Variants in SDK1 observed in about 807,000 individuals in gnomAD.
SDK1 encodes the protein sidekick cell adhesion molecule 1.
A neutral mutation model predicts 245.5 loss-of-function variants in SDK1; 157 were observed. The observed-to-expected ratio is 0.64, with a 90% CI of 0.56 to 0.73. The LOEUF is 0.73. Ranked by LOEUF, SDK1 falls within the 30% of genes least tolerant of loss-of-function variation. SDK1 has a pLI of 0.00. For synonymous variants in SDK1, 1,647 were observed against 1,278.5 expected (o/e 1.29, Z -6.15); for missense variants, 3,583 against 3,002.3 (o/e 1.19, Z -4.52).
At chr7:3,884,366 T>C (rs1372844156) in intron 5 of SDK1, among the ~76,000 whole-genome samples, 2 of 152,144 alleles carry the variant, frequency 1.3e-5, no homozygotes, top group African/African-American at 2.4e-5. Flanking sequence ...AGGAGTTCCA[T>C]GGGTTTGAAC....
At chr7:3,575,989 T>C (rs1234317495) in intron 1 of SDK1, among the ~76,000 whole-genome samples, 1 of 152,032 alleles carries the variant, frequency 6.6e-6, no homozygotes, top group Non-Finnish European at 1.5e-5. Flanking sequence ...CTTTCTGCTC[T>C]TGTGAAATAT....
chr7:4,221,300 G>A lies in SDK1; in HGVS notation c.5763G>A (p.Gln1921=), dbSNP rs747550425. The change falls in exon 40 of 45, where the codon CAG becomes CAA. Residue 1921 remains glutamine, a synonymous_variant. Coordinates refer to ENST00000404826, the MANE Select transcript of SDK1 (RefSeq NM_152744.4). ...AGTCCGCCTCTGAACTGACGCTGCAGTGGACTGAGGGACACTCTGGCGACA... is the reference window on the plus strand; with the variant it reads ...AGTCCGCCTCTGAACTGACGCTGCAATGGACTGAGGGACACTCTGGCGACA... The part of the protein sequence containing the change: ...VTKSASELTL[Q]WTEGHSGDTP... 5.0e-6 allele frequency: 8 copies of A among 1,613,774 alleles called. No individual in the cohort carries two copies. The highest frequency in any genetic ancestry group is 2.7e-5 in the African/African-American group (2 of 74,932).
chr7:3,829,796 C>T (rs192811759), intron 5 of SDK1, among the ~76,000 whole-genome samples: 2 of 152,302 alleles, frequency 1.3e-5, no homozygotes, highest in Admixed American at 1.3e-4. Flanking sequence ...ATCAAAACCA[C>T]TCCCGATCAA....
intron 4 of SDK1, among the ~76,000 whole-genome samples, chr7:3,671,486 T>C (rs532449507): frequency 6.6e-6 from 1 of 152,346 alleles, no homozygotes; most frequent in East Asian, 1.9e-4. Flanking sequence ...GTTATTATGA[T>C]TCCTAATTTG....
intron 1 of SDK1, among the ~76,000 whole-genome samples, chr7:3,476,728 T>A (rs1448609044): frequency 6.6e-6 from 1 of 152,216 alleles, no homozygotes; most frequent in Non-Finnish European, 1.5e-5. Flanking sequence ...CTGTAACCGT[T>A]CACTGAGGCT....
chr7:3,591,721 G>A (rs1018964222), intron 1 of SDK1, among the ~76,000 whole-genome samples: 4 of 152,212 alleles, frequency 2.6e-5, no homozygotes, highest in African/African-American at 9.7e-5. Context: ...TTGCACTCGT[G>A]TGGGGCATGT....
At chr7:4,115,710 A>T (rs1335746984) in intron 25 of SDK1, among the ~76,000 whole-genome samples, 1 of 152,094 alleles carries the variant, frequency 6.6e-6, no homozygotes, top group Non-Finnish European at 1.5e-5. Flanking sequence ...AGTCCTCGGA[A>T]ATGCCCCGGA....
At chr7:3,886,787 G>A (rs1387197788) in intron 5 of SDK1, among the ~76,000 whole-genome samples, 1 of 152,186 alleles carries the variant, frequency 6.6e-6, no homozygotes, top group Non-Finnish European at 1.5e-5. Flanking sequence ...ATGGTGGTAT[G>A]ATCCTGTAGT....
At chr7:4,118,209 A>G (rs764505461) in intron 25 of SDK1, among the ~76,000 whole-genome samples, 2 of 152,222 alleles carry the variant, frequency 1.3e-5, no homozygotes, top group Non-Finnish European at 2.9e-5. Flanking sequence ...TATATCTAGA[A>G]TATATAAAGA....
chr7:4,097,269 G>GAAGCAGAAAGGAA (rs1554339359), intron 22 of SDK1, among the ~76,000 whole-genome samples: 1 of 151,656 alleles, frequency 6.6e-6, no homozygotes, highest in Admixed American at 6.6e-5. Context: ...GCTCCTGTAC[G>GAAGCAGAAAGGAA]GCCAGGGGCT....
At chr7:3,845,392 A>T (rs140943389) in intron 5 of SDK1, among the ~76,000 whole-genome samples, 25 of 147,412 alleles carry the variant, frequency 1.7e-4, no homozygotes, top group African/African-American at 6.2e-4. Context: ...TAGGAGGCAG[A>T]GGCAGGAGAA....
At position 4,218,226 on chromosome 7, in the gene SDK1, A is replaced by G. The variant is rs550141264; in HGVS notation, c.5540-1883A>G. Among the ~76,000 whole-genome samples the G allele has an allele frequency of 2.6e-5, 4 of 152,250 alleles. No homozygotes were observed. In the South Asian group the frequency reaches 8.3e-4, roughly 32 times the overall value. On this transcript the variant is annotated intron_variant, in intron 38 of 44. Transcript: ENST00000404826. ...TAAGACCAGCCGGGCCAACATGGTG[A>G]AACTAAAAATACAAAAATTAGCCAG...
At chr7:3,666,729 C>G (rs1783545947) in intron 4 of SDK1, among the ~76,000 whole-genome samples, 1 of 152,124 alleles carries the variant, frequency 6.6e-6, no homozygotes, top group Non-Finnish European at 1.5e-5. Flanking sequence ...TTCATAATTA[C>G]CTGTCAAAGT....
At chr7:3,843,068 C>A (rs959137445) in intron 5 of SDK1, among the ~76,000 whole-genome samples, 2 of 152,090 alleles carry the variant, frequency 1.3e-5, no homozygotes, top group Non-Finnish European at 2.9e-5. Context: ...AGCCTGTGGC[C>A]GCTTAGCATT....
At position 3,962,805 on chromosome 7, in the gene SDK1, C is replaced by A. The variant is rs1477901160; in HGVS notation, c.1383C>A (p.Ser461Arg). ...EDSGIFQCFA[S>R]NEGGEIQTHT... Reference sequence around the variant, plus strand: ...CCGGAATCTTCCAGTGCTTCGCCAGCAATGAAGGAGGGGAGATCCAGACCC... The same window carrying A: ...CCGGAATCTTCCAGTGCTTCGCCAGAAATGAAGGAGGGGAGATCCAGACCC... The change falls in exon 9 of 45, where the codon AGC becomes AGA. Residue 461 changes from serine to arginine, a missense_variant. Transcript: ENST00000404826. 14 of 1,613,590 alleles carry A rather than the reference C, an allele frequency of 8.7e-6. No homozygotes were observed. The highest frequency in any genetic ancestry group is 1.2e-5 in the Non-Finnish European group (14 of 1,179,826).
intron 5 of SDK1, among the ~76,000 whole-genome samples, chr7:3,835,548 A>G (rs1780012039): frequency 6.6e-6 from 1 of 152,154 alleles, no homozygotes; most frequent in South Asian, 2.1e-4. Context: ...TTCCCTAGGA[A>G]GTCCTCTCAC....
intron 4 of SDK1, among the ~76,000 whole-genome samples, chr7:3,743,800 C>G (rs1311148712): frequency 6.6e-6 from 1 of 151,974 alleles, no homozygotes; most frequent in African/African-American, 2.4e-5. Context: ...AAAACTTCTG[C>G]TTGGATATCA....
intron 44 of SDK1, among the ~76,000 whole-genome samples, chr7:4,250,986 A>G (rs907864707): frequency 2.0e-5 from 3 of 152,076 alleles, no homozygotes; most frequent in Non-Finnish European, 4.4e-5. Context: ...TTCTGTCTCT[A>G]TAGATTTGCC....
At chr7:3,533,557 A>G (rs1484421608) in intron 1 of SDK1, among the ~76,000 whole-genome samples, 4 of 152,248 alleles carry the variant, frequency 2.6e-5, no homozygotes, top group South Asian at 2.1e-4. Context: ...AGTTATCCCT[A>G]TAAGTCTGTA....
Sources: gnomAD v4.1 joint callset for allele counts (sites outside exome capture counted in the v4.1 genomes callset) on GRCh38, gnomAD v4.1.1 for gene constraint, MANE v1.5 for transcripts, NCBI Gene and HGNC (gene_info 2026-07-23, HGNC 2026-07-21) for gene names.